Variants in ST8SIA1 observed in about 807,000 individuals in gnomAD.
ST8SIA1 encodes the protein alpha-N-acetylneuraminide alpha-2,8-sialyltransferase.
A neutral mutation model predicts 35.9 loss-of-function variants in ST8SIA1; 16 were observed. The observed-to-expected ratio is 0.45, with a 90% CI of 0.30 to 0.68. ST8SIA1 has a LOEUF of 0.68. Among genes scored for constraint, ST8SIA1 ranks in the 30% least tolerant of loss-of-function variants. ST8SIA1 has a pLI of 0.09. For missense variants in ST8SIA1, 383 were observed against 453.6 expected, an observed-to-expected ratio of 0.84 and a Z score of 1.41; for synonymous variants, 170 against 169.6, an observed-to-expected ratio of 1.00 and a Z score of -0.02.
chr12:22,196,706 A>C lies in ST8SIA1; in HGVS notation c.*4846T>G, dbSNP rs1325455991. 6.6e-6 allele frequency: 1 copy of C among 152,224 alleles called. No homozygotes were observed. Among genetic ancestry groups the C allele is most frequent in the Non-Finnish European group, 1.5e-5 (1 of 68,048 alleles). The allele number at this position is 152,224 out of a possible 1,614,324, so 9.4% of individuals were successfully genotyped here. On this transcript the variant is annotated 3_prime_UTR_variant, in exon 5 of 5. Transcript: ENST00000396037. ...AGACTATCCATATGAATGAGGGGGA[A>C]AAGTTCCACTTTAGAATCACTGGCA...
intron 1 of ST8SIA1, among the ~76,000 whole-genome samples, chr12:22,309,938 T>C (rs955406728): frequency 6.6e-6 from 1 of 152,204 alleles, no homozygotes; most frequent in African/African-American, 2.4e-5. Context: ...TAGGTACTTT[T>C]ATTTATCTTT....
chr12:22,325,832 T>C (rs1416059476), intron 1 of ST8SIA1: 1 of 701,322 alleles, frequency 1.4e-6, no homozygotes, highest in East Asian at 2.7e-5. Flanking sequence ...GGGCCACTGG[T>C]AAAATAAAAT....
At chr12:22,260,789 A>T (rs1282385353) in intron 2 of ST8SIA1, among the ~76,000 whole-genome samples, 1 of 152,014 alleles carries the variant, frequency 6.6e-6, no homozygotes, top group African/African-American at 2.4e-5. Context: ...TCCTTAGGGG[A>T]AAGTTAGTAT....
chr12:22,228,548 G>C (rs1464759139), intron 4 of ST8SIA1, among the ~76,000 whole-genome samples: 1 of 152,198 alleles, frequency 6.6e-6, no homozygotes, highest in East Asian at 1.9e-4. Context: ...CACTCTGCTA[G>C]ATACTGAGAA....
intron 4 of ST8SIA1, chr12:22,223,861 C>A: frequency 9.4e-7 from 1 of 1,059,752 alleles, no homozygotes; most frequent in South Asian, 2.1e-5. Flanking sequence ...TCTAATTGTG[C>A]AAAATAATAC....
rs1865000322 is a variant in ST8SIA1 at position 22,197,244 on chromosome 12, T to A, written c.*4308A>T. 6.6e-6 allele frequency: 1 copy of A among 152,238 alleles called. No homozygotes were observed. The highest frequency in any genetic ancestry group is 6.5e-5 in the Admixed American group (1 of 15,282). 9.4% of individuals were successfully genotyped at this position (152,238 alleles called of 1,614,324 possible). On this transcript the variant is annotated 3_prime_UTR_variant, in exon 5 of 5. Coordinates refer to ENST00000396037, the MANE Select transcript of ST8SIA1 (RefSeq NM_003034.4). ...GCACAACATTACTCTCAGTCCTTAT[T>A]CCTCCACAAGTTTGCGTCAAGTTCA...
At chr12:22,263,324 C>A (rs995069773) in intron 2 of ST8SIA1, among the ~76,000 whole-genome samples, 1 of 152,132 alleles carries the variant, frequency 6.6e-6, no homozygotes, top group Non-Finnish European at 1.5e-5. Flanking sequence ...TTCTGAGATG[C>A]GCTGAGTAAT....
chr12:22,278,030 C>T (rs1477605772), intron 2 of ST8SIA1, among the ~76,000 whole-genome samples: 1 of 152,212 alleles, frequency 6.6e-6, no homozygotes, highest in East Asian at 1.9e-4. Context: ...GTCCCTACCA[C>T]ACAGCAGTAG....
intron 4 of ST8SIA1, among the ~76,000 whole-genome samples, chr12:22,242,060 G>T (rs1400544763): frequency 2.6e-5 from 4 of 152,002 alleles, no homozygotes; most frequent in African/African-American, 9.7e-5. Context: ...ATGATTCATT[G>T]CCCCAAAGGA....
chr12:22,200,527 C>T lies in ST8SIA1; in HGVS notation c.*1025G>A, dbSNP rs1026944662. ...AATAACAATAGCTCAAAAGAGGAAACATATTCAAAGTTTCGCTCAATTCAT... is the reference window on the plus strand; with the variant it reads ...AATAACAATAGCTCAAAAGAGGAAATATATTCAAAGTTTCGCTCAATTCAT... On this transcript the variant is annotated 3_prime_UTR_variant, in exon 5 of 5. Transcript: ENST00000396037. 4.6e-5 allele frequency: 7 copies of T among 152,066 alleles called. No individual in the cohort carries two copies. The highest frequency in any genetic ancestry group is 1.2e-4 in the African/African-American group (5 of 41,402). The allele number at this position is 152,066 out of a possible 1,614,324, so 9.4% of individuals were successfully genotyped here.
chr12:22,209,900 T>TA (rs1310186832), intron 4 of ST8SIA1, among the ~76,000 whole-genome samples: 1 of 152,222 alleles, frequency 6.6e-6, no homozygotes, highest in Non-Finnish European at 1.5e-5. Context: ...TGTCTCCTCT[T>TA]ACATGCCCAT....
chr12:22,239,539 A>G (rs979879644), intron 4 of ST8SIA1, among the ~76,000 whole-genome samples: 19 of 152,174 alleles, frequency 1.2e-4, no homozygotes, highest in African/African-American at 4.6e-4. Context: ...TAATTTGGAT[A>G]TTCTCTTATT....
In ST8SIA1 at chr12:22,264,158, CT is replaced by C. The variant is rs900321793; in HGVS notation, c.382-8770del. Among the ~76,000 whole-genome samples, 7 of 152,218 alleles carry C rather than the reference CT, an allele frequency of 4.6e-5. No homozygotes were observed. In the Middle Eastern group the frequency reaches 0.01, roughly 223 times the overall value. ...AACTTAGGCATCTAAATACACACCC[CT>C]GCCTCATATTTAATTATAGCCCCCC... On this transcript the variant is annotated intron_variant, in intron 2 of 4. Transcript: ENST00000396037.
intron 1 of ST8SIA1, among the ~76,000 whole-genome samples, chr12:22,313,843 A>G (rs897928830): frequency 1.3e-5 from 2 of 152,252 alleles, no homozygotes; most frequent in Non-Finnish European, 2.9e-5. Flanking sequence ...TGACACCAGC[A>G]GATATGTTCA....
At chr12:22,223,871 CTTAATTCTG>C in intron 4 of ST8SIA1, 1 of 1,029,352 alleles carries the variant, frequency 9.7e-7, no homozygotes, top group Non-Finnish European at 1.2e-6. Flanking sequence ...CAAAATAATA[CTTAATTCTG>C]TTATATCTTC....
chr12:22,266,500 A>T (rs993958297), intron 2 of ST8SIA1, among the ~76,000 whole-genome samples: 26 of 142,512 alleles, frequency 1.8e-4, no homozygotes, highest in South Asian at 1.3e-3. Context: ...ATTTAAAAAA[A>T]AAATATATAT....
At chr12:22,236,428 C>T (rs1252081084) in intron 4 of ST8SIA1, among the ~76,000 whole-genome samples, 4 of 152,210 alleles carry the variant, frequency 2.6e-5, no homozygotes, top group African/African-American at 7.2e-5. Context: ...GAAACCCCTC[C>T]GCACATTTTC....
At chr12:22,205,646 A>G (rs1865098354) in intron 4 of ST8SIA1, among the ~76,000 whole-genome samples, 2 of 152,152 alleles carry the variant, frequency 1.3e-5, no homozygotes, top group South Asian at 4.1e-4. Flanking sequence ...TAGCTGGCAC[A>G]GTGACTCAAG....
At chr12:22,253,791 G>A (rs558106191) in intron 3 of ST8SIA1, among the ~76,000 whole-genome samples, 49 of 152,266 alleles carry the variant, frequency 3.2e-4, no homozygotes, top group African/African-American at 1.2e-3. Context: ...CTGCATGAAG[G>A]AAAGGTGGGT....
Sources: gnomAD v4.1 joint callset for allele counts (sites outside exome capture counted in the v4.1 genomes callset) on GRCh38, gnomAD v4.1.1 for gene constraint, MANE v1.5 for transcripts, NCBI Gene and HGNC (gene_info 2026-07-23, HGNC 2026-07-21) for gene names.